Variants in SHB observed in about 807,000 individuals in gnomAD.
The protein encoded by SHB is SH2 domain-containing adapter protein B.
SHB carries 20 observed loss-of-function variants against 52.3 expected under a neutral mutation model. That is an observed-to-expected ratio of 0.38 (90% confidence interval 0.27 to 0.56). The LOEUF (loss-of-function observed/expected upper bound fraction) is 0.56. SHB is among the 20% of genes least tolerant of loss of function. The pLI, the probability that SHB is intolerant of heterozygous loss-of-function variation, is 0.71. For missense variants in SHB, 825 were observed against 723.3 expected, an observed-to-expected ratio of 1.14 and a Z score of -1.61; for synonymous variants, 397 against 316.5, an observed-to-expected ratio of 1.25 and a Z score of -2.70.
chr9:38,063,336 T>A (rs1287216297), intron 1 of SHB, among the ~76,000 whole-genome samples: 1 of 152,224 alleles, frequency 6.6e-6, no homozygotes, highest in Non-Finnish European at 1.5e-5. Context: ...AATTCACAAC[T>A]CCGCAGCAAG....
chr9:37,932,874 C>G (rs1455377032), intron 5 of SHB, among the ~76,000 whole-genome samples: 1 of 152,198 alleles, frequency 6.6e-6, no homozygotes, highest in African/African-American at 2.4e-5. Context: ...CTTGGCCTCC[C>G]AAAGCGCTGG....
At chr9:37,948,090 C>T (rs1832514814) in intron 5 of SHB, among the ~76,000 whole-genome samples, 1 of 152,188 alleles carries the variant, frequency 6.6e-6, no homozygotes, top group Admixed American at 6.5e-5. Context: ...GGCAGTAACA[C>T]CACCTCTTCC....
chr9:38,046,830 G>A (rs1033837559), intron 1 of SHB, among the ~76,000 whole-genome samples: 1 of 152,252 alleles, frequency 6.6e-6, no homozygotes, highest in Non-Finnish European at 1.5e-5. Flanking sequence ...TTCGTCGCTT[G>A]TGGCTTATGA....
intron 1 of SHB, among the ~76,000 whole-genome samples, chr9:38,022,389 G>A (rs999591182): frequency 2.6e-5 from 4 of 152,212 alleles, no homozygotes; most frequent in African/African-American, 9.7e-5. Context: ...TAAAAATGCG[G>A]TTTGGTGTGT....
chr9:37,965,800 C>T (rs887936833), intron 3 of SHB, among the ~76,000 whole-genome samples: 5 of 152,108 alleles, frequency 3.3e-5, no homozygotes, highest in South Asian at 2.1e-4. Flanking sequence ...CACTTGCTGG[C>T]GGGATGACCT....
chr9:38,068,214 CGAG>C lies in SHB; in HGVS notation c.429_431del (p.Ser144del). On this transcript the variant is annotated inframe_deletion, in exon 1 of 6. Transcript: ENST00000377707. ...ACGAGGACGCGGCGGCCCCCGCGCCCGAGGAGGCGCAGCAACAGCCCGCGGCGC... is the reference window on the plus strand; with the variant it reads ...ACGAGGACGCGGCGGCCCCCGCGCCCGAGGCGCAGCAACAGCCCGCGGCGC... 1.4e-6 allele frequency: 2 copies of C among 1,394,476 alleles called. No individual in the cohort carries two copies. Among genetic ancestry groups the C allele is most frequent in the Non-Finnish European group, 1.8e-6 (2 of 1,087,048 alleles). 86.4% of individuals were successfully genotyped at this position (1,394,476 alleles called of 1,614,324 possible).
intron 4 of SHB, among the ~76,000 whole-genome samples, chr9:37,953,347 TGACCTA>T (rs1055213609): frequency 6.6e-6 from 1 of 152,030 alleles, no homozygotes; most frequent in African/African-American, 2.4e-5. Flanking sequence ...GATGCAGTGG[TGACCTA>T]GACAAGTTCC....
At chr9:37,964,534 G>A (rs549584307) in intron 3 of SHB, among the ~76,000 whole-genome samples, 1 of 152,198 alleles carries the variant, frequency 6.6e-6, no homozygotes, top group South Asian at 2.1e-4. Flanking sequence ...AGGCCTCTAC[G>A]GCTGCCAAAG....
At chr9:37,972,662 T>C (rs1222215118) in intron 3 of SHB, among the ~76,000 whole-genome samples, 1 of 152,180 alleles carries the variant, frequency 6.6e-6, no homozygotes, top group African/African-American at 2.4e-5. Flanking sequence ...ATGTTTAAGC[T>C]GGGCCTCAAA....
rs543164436 is a variant in SHB, at chr9:37,988,097, GC to G, written c.839-13261del. Among the ~76,000 whole-genome samples, 493 of 152,346 alleles carry G rather than the reference GC, an allele frequency of 3.2e-3. 1 individual carries two copies. Among genetic ancestry groups the G allele is most frequent in the Non-Finnish European group, 5.6e-3 (379 of 68,026 alleles). ...AATGTGCCCAGTGCCCAGCACAGCT[GC>G]CCCTGCGGAAGCAACTTGCTGAGAT... On this transcript the variant is annotated intron_variant, in intron 2 of 5. Transcript: ENST00000377707.
At chr9:37,967,232 T>C (rs781212092) in intron 3 of SHB, among the ~76,000 whole-genome samples, 2 of 152,190 alleles carry the variant, frequency 1.3e-5, no homozygotes, top group African/African-American at 2.4e-5. Flanking sequence ...CTGTCCCTGG[T>C]TCCTCCCCAT....
chr9:38,046,207 A>G (rs1056478816), intron 1 of SHB, among the ~76,000 whole-genome samples: 1 of 152,192 alleles, frequency 6.6e-6, no homozygotes, highest in Non-Finnish European at 1.5e-5. Flanking sequence ...AGAGGCACCT[A>G]ATGTTTTCAG....
intron 5 of SHB, 139 bp downstream of exon 5, chr9:37,948,496 G>T: frequency 9.8e-7 from 1 of 1,015,574 alleles, no homozygotes; most frequent in South Asian, 1.5e-5. Context: ...GGATCAAATT[G>T]AAAAACCCAG....
In SHB at chr9:37,974,743, G is replaced by C. The variant is rs1183078632; in HGVS notation, c.933C>G (p.Asp311Glu). Residue 311 changes from aspartate to glutamate, a missense_variant, in exon 3 of 6, where the codon GAC (aspartate) becomes GAG (glutamate). By Grantham distance (45) the Asp-to-Glu change is conservative. Transcript: ENST00000377707. ...GTCGGGGGCTGACTGTGCTCTCCGAGTCTGAGTCAACACTTTGGCCTTCAG... is the reference window on the plus strand; with the variant it reads ...GTCGGGGGCTGACTGTGCTCTCCGACTCTGAGTCAACACTTTGGCCTTCAG... ...YEPEGQSVDS[D>E]SESTVSPRLR... The C allele has an allele frequency of 1.2e-6, 2 of 1,614,082 alleles. No homozygotes were observed. Among genetic ancestry groups the C allele is most frequent in the Non-Finnish European group, 1.7e-6 (2 of 1,179,936 alleles).
chr9:38,068,359 T>A lies in SHB; in HGVS notation c.287A>T (p.Tyr96Phe), dbSNP rs1822004152. ...GCGCAGCGACGAGCCAGGCCCGTTG[T>A]AGGGGTCCTCGAAGTCTCGCTCCTT... ...AQKERDFEDP[Y>F]NGPGSSLRKL... Residue 96 changes from tyrosine to phenylalanine, a missense_variant, in exon 1 of 6, where the codon TAC (tyrosine) becomes TTC (phenylalanine). By Grantham distance (22) the Tyr-to-Phe change is conservative. Coordinates refer to ENST00000377707, the MANE Select transcript of SHB (RefSeq NM_003028.3). 3.2e-6 allele frequency: 5 copies of A among 1,569,112 alleles called. No individual in the cohort carries two copies. The highest frequency in any genetic ancestry group is 4.3e-6 in the Non-Finnish European group (5 of 1,161,744).
At chr9:37,924,488 G>A (rs1236966186) in intron 5 of SHB, among the ~76,000 whole-genome samples, 3 of 152,180 alleles carry the variant, frequency 2.0e-5, no homozygotes, top group African/African-American at 4.8e-5. Flanking sequence ...TGCAGGAGAA[G>A]GATGGAAATT....
intron 2 of SHB, among the ~76,000 whole-genome samples, chr9:37,996,979 G>C (rs895198448): frequency 2.6e-5 from 4 of 152,184 alleles, no homozygotes; most frequent in African/African-American, 9.7e-5. Flanking sequence ...GTGTCTGCCT[G>C]GTGTCAGGAG....
chr9:38,049,608 A>C (rs1475622532), intron 1 of SHB, among the ~76,000 whole-genome samples: 1 of 150,194 alleles, frequency 6.7e-6, no homozygotes, highest in Non-Finnish European at 1.5e-5. Context: ...ACTCAGTCTC[A>C]AAAAAACAAA....
chr9:37,936,332 G>A (rs905386520), intron 5 of SHB, among the ~76,000 whole-genome samples: 3 of 152,204 alleles, frequency 2.0e-5, no homozygotes, highest in Non-Finnish European at 4.4e-5. Flanking sequence ...CATCACCACA[G>A]ACAGTGGTTA....
Sources: allele counts gnomAD v4.1 joint callset (sites outside exome capture counted in the v4.1 genomes callset), GRCh38; gene constraint gnomAD v4.1.1; transcripts MANE v1.5; gene names NCBI Gene and HGNC (gene_info 2026-07-23, HGNC 2026-07-21).